The following GNL1 variants were observed in gnomAD, a reference collection of about 807,000 sequenced individuals.
The protein encoded by GNL1 is G protein nucleolar 1.
Under a neutral mutation model 75.2 loss-of-function variants are expected in GNL1, and 21 were observed. The observed-to-expected ratio is 0.28, with a 90% CI of 0.20 to 0.40. The LOEUF (loss-of-function observed/expected upper bound fraction) is 0.40. GNL1 is among the 10% of genes least tolerant of loss of function. GNL1 has a pLI of 1.00. For synonymous variants in GNL1, 287 were observed against 303.4 expected (o/e 0.95, Z 0.56); for missense variants, 579 against 775.0 (o/e 0.75, Z 3.00).
Position 30,552,380 on chromosome 6 carries a change from T to C in GNL1, c.1099+87A>G. On this transcript the variant is annotated intron_variant, in intron 8 of 11. Transcript: ENST00000376621. This position sits in a 1 kb window ranked among gnomAD's most constrained non-coding sequence, Gnocchi z 4.5. ...ACCCCTCAGACACCCTGGGGCCTAA[T>C]GAGACCTGATCGCCCTCTCTCTTCT... 1 of 1,171,934 alleles carries C rather than the reference T, an allele frequency of 8.5e-7. No homozygotes were observed. Among genetic ancestry groups the C allele is most frequent in the Non-Finnish European group, 1.2e-6 (1 of 803,216 alleles). 72.6% of individuals were successfully genotyped at this position (1,171,934 alleles called of 1,614,324 possible). A position where few individuals can be genotyped will look rare whatever the true frequency, so the allele number is the denominator to read the frequency against.
In GNL1 at chr6:30,547,087, G is replaced by T. The variant is rs1246186474; in HGVS notation, c.1441+25C>A. On this transcript the variant is annotated intron_variant, in intron 10 of 11. Transcript: ENST00000376621. This position sits in a 1 kb window ranked among gnomAD's most constrained non-coding sequence, Gnocchi z 5.5. ...GGAAGAGCAGCTGAAACCAGGTGGG[G>T]CGAAGCCAGGCACATGGAACTCACC... is the stretch of plus-strand genomic sequence containing the variant. 2 of 1,602,678 alleles carry T rather than the reference G, an allele frequency of 1.2e-6. No homozygotes were observed. The highest frequency in any genetic ancestry group is 1.7e-6 in the Non-Finnish European group (2 of 1,172,248).
rs993035686 is a variant in GNL1, at chr6:30,541,498, A to G, written c.*4574T>C. ...ACGACAATGCACTAACAATAAAATC[A>G]AAGTAGAAGCTAAACTATTCAGAAG... On this transcript the variant is annotated 3_prime_UTR_variant, in exon 12 of 12. Transcript: ENST00000376621. 6.6e-6 allele frequency: 1 copy of G among 152,238 alleles called. No homozygotes were observed. Among genetic ancestry groups the G allele is most frequent in the African/African-American group, 2.4e-5 (1 of 41,460 alleles). 9.4% of individuals were successfully genotyped at this position (152,238 alleles called of 1,614,324 possible).
chr6:30,545,318 A>T lies in GNL1; in HGVS notation c.*754T>A, dbSNP rs886896736. 6.6e-6 allele frequency: 1 copy of T among 152,256 alleles called. No individual in the cohort carries two copies. Among genetic ancestry groups the T allele is most frequent in the Non-Finnish European group, 1.5e-5 (1 of 68,058 alleles). The allele number at this position is 152,256 out of a possible 1,614,324, so 9.4% of individuals were successfully genotyped here. ...AAAACTACTCGTACACATTTAATCA[A>T]CATTTTCACAAGCGTTTTGCCTTAA... On this transcript the variant is annotated 3_prime_UTR_variant, in exon 12 of 12. Coordinates refer to ENST00000376621, the MANE Select transcript of GNL1 (RefSeq NM_005275.5).
Position 30,549,825 on chromosome 6 carries a change from CT to C in GNL1, c.1100-2296del, listed in dbSNP as rs535787672. Among the ~76,000 whole-genome samples, 297 of 129,400 alleles carry C rather than the reference CT, an allele frequency of 2.3e-3. 1 individual carries two copies. Among genetic ancestry groups the C allele is most frequent in the Middle Eastern group, 4.2e-3 (1 of 238 alleles). 84.9% of individuals were successfully genotyped at this position (129,400 alleles called of 152,430 possible). A position where few individuals can be genotyped will look rare whatever the true frequency, so the allele number is the denominator to read the frequency against. Reference sequence around the variant, plus strand: ...TCCTACATCTCATCCAATTCCATGGCTTTTTTTTTTTTTTTTTTGACGAAGT... The same window carrying C: ...TCCTACATCTCATCCAATTCCATGGCTTTTTTTTTTTTTTTTTGACGAAGT... On this transcript the variant is annotated intron_variant, in intron 8 of 11. Coordinates refer to ENST00000376621, the MANE Select transcript of GNL1 (RefSeq NM_005275.5).
chr6:30,553,096 T>C lies in GNL1; in HGVS notation c.892A>G (p.Thr298Ala), dbSNP rs1409559852. 3.1e-6 allele frequency: 5 copies of C among 1,611,482 alleles called. No homozygotes were observed. Among genetic ancestry groups the C allele is most frequent in the Non-Finnish European group, 4.2e-6 (5 of 1,177,688 alleles). ...EQLLRACEAI[T>A]VGKVDLSSWR... is the part of the protein sequence containing the mutation. Reference sequence around the variant, plus strand: ...AAGGGCCACATACCTTTCCCCACAGTGATGGCTTCACAGGCTCTCAGCAAC... The same window carrying C: ...AAGGGCCACATACCTTTCCCCACAGCGATGGCTTCACAGGCTCTCAGCAAC... The change falls in exon 7 of 12, where the codon ACT becomes GCT. Residue 298 changes from threonine (T) to alanine (A), a missense_variant. By Grantham distance (58) the Thr-to-Ala change is moderately conservative (BLOSUM62 0). Transcript: ENST00000376621.
At position 30,546,317 on chromosome 6, in the gene GNL1, G is replaced by C. The variant is rs780157729; in HGVS notation, c.1583-4C>G. ...TCTGGATGGGACTCCCAGGTGCCTG[G>C]GGAACCAAAACAAGAAAAAAATGGA... On this transcript the variant is annotated splice_region_variant and splice_polypyrimidine_tract_variant and intron_variant, in intron 11 of 11. Transcript: ENST00000376621. The surrounding 1 kb of genome is among the most constrained non-coding windows in gnomAD (Gnocchi z 5.1). The C allele has an allele frequency of 6.3e-7, 1 of 1,586,508 alleles. No individual in the cohort carries two copies. Among genetic ancestry groups the C allele is most frequent in the South Asian group, 1.1e-5 (1 of 87,826 alleles).
At chr6:30,550,337 C>T (rs1029439063) in intron 8 of GNL1, among the ~76,000 whole-genome samples, 1 of 152,260 alleles carries the variant, frequency 6.6e-6, no homozygotes, top group African/African-American at 2.4e-5. Context: ...ATCTGCTTCT[C>T]CCCCAGTCTT....
Position 30,543,721 on chromosome 6 carries a change from CTG to C in GNL1, c.*2349_*2350del, listed in dbSNP as rs1489816751. Reference sequence around the variant, plus strand: ...ATTGTTTTTAACCAATTTTTGTTGACTGTATCAATGATTGTAAGAAGTGAACA... The same window carrying C: ...ATTGTTTTTAACCAATTTTTGTTGACTATCAATGATTGTAAGAAGTGAACA... On this transcript the variant is annotated 3_prime_UTR_variant, in exon 12 of 12. Transcript: ENST00000376621. 6.6e-6 allele frequency: 1 copy of C among 152,066 alleles called. No individual in the cohort carries two copies. Among genetic ancestry groups the C allele is most frequent in the African/African-American group, 2.4e-5 (1 of 41,388 alleles). 9.4% of individuals were successfully genotyped at this position (152,066 alleles called of 1,614,324 possible).
Position 30,541,851 on chromosome 6 carries a change from G to C in GNL1, c.*4221C>G, listed in dbSNP as rs1799185907. 1 of 152,184 alleles carries C rather than the reference G, an allele frequency of 6.6e-6. No individual in the cohort carries two copies. Among genetic ancestry groups the C allele is most frequent in the African/African-American group, 2.4e-5 (1 of 41,434 alleles). The allele number at this position is 152,184 out of a possible 1,614,324, so 9.4% of individuals were successfully genotyped here. A position where few individuals can be genotyped will look rare whatever the true frequency, so the allele number is the denominator to read the frequency against. On this transcript the variant is annotated 3_prime_UTR_variant, in exon 12 of 12. Coordinates refer to ENST00000376621, the MANE Select transcript of GNL1 (RefSeq NM_005275.5). ...CTGAATGTCAGCGCTGTTCCCTCCT[G>C]TGACAGAAGCCACCGGCGCCTGCCT... is the stretch of plus-strand genomic sequence containing the variant.
rs760634499 is a variant in GNL1 at position 30,553,077 on chromosome 6, C to CACAT, written c.904+3_904+6dup. ...CCTCCTACAGCCCTCCTCTAAGGGC[C>CACAT]ACATACCTTTCCCCACAGTGATGGC... On this transcript the variant is annotated splice_region_variant and intron_variant, in intron 7 of 11. Transcript: ENST00000376621. The CACAT allele has an allele frequency of 1.7e-5, 27 of 1,598,254 alleles. No homozygotes were observed. The highest frequency in any genetic ancestry group is 2.3e-5 in the Non-Finnish European group (27 of 1,165,970).
chr6:30,556,337 G>C lies in GNL1; in HGVS notation c.-134C>G. The C allele has an allele frequency of 2.0e-6, 2 of 993,120 alleles. No homozygotes were observed. The highest frequency in any genetic ancestry group is 1.5e-6 in the Non-Finnish European group (1 of 664,686). 61.5% of individuals were successfully genotyped at this position (993,120 alleles called of 1,614,324 possible). A position where few individuals can be genotyped will look rare whatever the true frequency, so the allele number is the denominator to read the frequency against. On this transcript the variant is annotated 5_prime_UTR_variant, in exon 1 of 12. Coordinates refer to ENST00000376621, the MANE Select transcript of GNL1 (RefSeq NM_005275.5). The surrounding 1 kb of genome is among the most constrained non-coding windows in gnomAD (Gnocchi z 5.7). ...GGCTAGCAGGTGACGTCAGCGGGCGGGCCCGACAGAATTACCGCCGCGGCG... is the reference window on the plus strand; with the variant it reads ...GGCTAGCAGGTGACGTCAGCGGGCGCGCCCGACAGAATTACCGCCGCGGCG...
chr6:30,552,482 TCAC>T lies in GNL1; in HGVS notation c.1081_1083del (p.Val361del), dbSNP rs1420108986. 4 of 1,613,274 alleles carry T rather than the reference TCAC, an allele frequency of 2.5e-6. No individual in the cohort carries two copies. The highest frequency in any genetic ancestry group is 1.7e-5 in the Admixed American group (1 of 59,960). ...ACTTCCTTACCCACACAGCCGATGGTCACCACCCCATCCTTGTAGCGCTCTTGG... is the reference window on the plus strand; with the variant it reads ...ACTTCCTTACCCACACAGCCGATGGTCACCCCATCCTTGTAGCGCTCTTGG... On this transcript the variant is annotated inframe_deletion, in exon 8 of 12. Coordinates refer to ENST00000376621, the MANE Select transcript of GNL1 (RefSeq NM_005275.5). The surrounding 1 kb of genome is among the most constrained non-coding windows in gnomAD (Gnocchi z 4.5).
chr6:30,553,009 A>G (rs1278657318), intron 7 of GNL1, 75 bp downstream of exon 7: 1 of 1,046,692 alleles, frequency 9.6e-7, no homozygotes, highest in Non-Finnish European at 1.5e-6. Flanking sequence ...TGGCTTCAGG[A>G]AAGGTGAGCA....
chr6:30,542,043 T>A lies in GNL1; in HGVS notation c.*4029A>T, dbSNP rs1485866244. 6.6e-6 allele frequency: 1 copy of A among 152,314 alleles called. No homozygotes were observed. Among genetic ancestry groups the A allele is most frequent in the African/African-American group, 2.4e-5 (1 of 41,468 alleles). 9.4% of individuals were successfully genotyped at this position (152,314 alleles called of 1,614,324 possible). ...AAACTAAAAAAGTTCCTCAACTGCA[T>A]ATACTCTGCTCCCTCCATTTTTTTC... On this transcript the variant is annotated 3_prime_UTR_variant, in exon 12 of 12. Transcript: ENST00000376621. This position sits in a 1 kb window ranked among gnomAD's most constrained non-coding sequence, Gnocchi z 4.5.
chr6:30,550,589 C>T (rs544896714), intron 8 of GNL1, among the ~76,000 whole-genome samples: 2 of 152,248 alleles, frequency 1.3e-5, no homozygotes, highest in East Asian at 1.9e-4. Flanking sequence ...TTCTTGCCCA[C>T]CCCCCATCAT....
rs1799158428 is a variant in GNL1, at chr6:30,541,391, A to G, written c.*4681T>C. The G allele has an allele frequency of 6.6e-6, 1 of 152,232 alleles. No homozygotes were observed. The highest frequency in any genetic ancestry group is 1.5e-5 in the Non-Finnish European group (1 of 68,036). The allele number at this position is 152,232 out of a possible 1,614,324, so 9.4% of individuals were successfully genotyped here. On this transcript the variant is annotated 3_prime_UTR_variant, in exon 12 of 12. Coordinates refer to ENST00000376621, the MANE Select transcript of GNL1 (RefSeq NM_005275.5). ...CATATCCAAACTTTGTTGTCTCTTC[A>G]TTCAAGTTTGGCTTTAATATTTTAT...
rs772542533 is a variant in GNL1 at position 30,556,254 on chromosome 6, A to C, written c.-51T>G. 1.3e-6 allele frequency: 2 copies of C among 1,586,660 alleles called. No homozygotes were observed. The highest frequency in any genetic ancestry group is 8.5e-7 in the Non-Finnish European group (1 of 1,173,496). On this transcript the variant is annotated 5_prime_UTR_variant, in exon 1 of 12. Transcript: ENST00000376621. The surrounding 1 kb of genome is among the most constrained non-coding windows in gnomAD (Gnocchi z 5.7). ...CCTCCGCCGAGCTCCCGCCGCCTCAACTGACTGCCCCCCGGGGCAGCCCCC... is the reference window on the plus strand; with the variant it reads ...CCTCCGCCGAGCTCCCGCCGCCTCACCTGACTGCCCCCCGGGGCAGCCCCC...
chr6:30,547,051 G>T lies in GNL1; in HGVS notation c.1441+61C>A, dbSNP rs756885181. Reference sequence around the variant, plus strand: ...AAGGAGACAGGGAAGGGTAAAAGGCGAGGCAGGTAAGGAAGAGCAGCTGAA... The same window carrying T: ...AAGGAGACAGGGAAGGGTAAAAGGCTAGGCAGGTAAGGAAGAGCAGCTGAA... On this transcript the variant is annotated intron_variant, in intron 10 of 11. Transcript: ENST00000376621. The surrounding 1 kb of genome is among the most constrained non-coding windows in gnomAD (Gnocchi z 5.5). 5 of 1,448,528 alleles carry T rather than the reference G, an allele frequency of 3.5e-6. No homozygotes were observed. The highest frequency in any genetic ancestry group is 2.8e-5 in the African/African-American group (2 of 71,788). The allele number at this position is 1,448,528 out of a possible 1,614,324, so 89.7% of individuals were successfully genotyped here.
rs1388444400 is a variant in GNL1 at position 30,555,073 on chromosome 6, C to G, written c.358G>C (p.Val120Leu). 2 of 1,613,044 alleles carry G rather than the reference C, an allele frequency of 1.2e-6. No individual in the cohort carries two copies. The highest frequency in any genetic ancestry group is 3.3e-5 in the Admixed American group (2 of 60,032). Residue 120 changes from valine (V) to leucine (L), a missense_variant, in exon 3 of 12, where the codon GTG (valine) becomes CTG (leucine). By Grantham distance (32) the Val-to-Leu change is conservative (BLOSUM62 1). Transcript: ENST00000376621. This position sits in a 1 kb window ranked among gnomAD's most constrained non-coding sequence, Gnocchi z 4.3. ...CACTCACCTGAGCCAGGCTGATACACCTCCCGGATGTCCAGCTCCAACAAC... is the reference window on the plus strand; with the variant it reads ...CACTCACCTGAGCCAGGCTGATACAGCTCCCGGATGTCCAGCTCCAACAAC... Reference protein sequence around the residue: ...AELLELDIREVYQPGSVLDFP... With the variant: ...AELLELDIRELYQPGSVLDFP...
Sources: gnomAD v4.1 joint callset for allele counts (sites outside exome capture counted in the v4.1 genomes callset) on GRCh38, gnomAD v4.1.1 for gene constraint, Gnocchi (gnomAD v3.1) non-coding constraint, MANE v1.5 for transcripts, NCBI Gene and HGNC (gene_info 2026-07-23, HGNC 2026-07-21) for gene names.